Variants in DLC1 observed in about 807,000 individuals in gnomAD.
DLC1 encodes rho GTPase-activating protein 7.
In DLC1, 54 loss-of-function variants were observed where a neutral mutation model predicts 140.3. The observed-to-expected ratio is 0.38, with a 90% CI of 0.31 to 0.48. The LOEUF is 0.48. Ranked by LOEUF, DLC1 falls within the 20% of genes least tolerant of loss-of-function variation. The pLI is 0.96. For synonymous variants in DLC1, 986 were observed against 728.1 expected, an observed-to-expected ratio of 1.35 and a Z score of -5.70; for missense variants, 2,536 against 1,907.0, an observed-to-expected ratio of 1.33 and a Z score of -6.14.
At chr8:13,333,330 A>G (rs1320728640) in intron 4 of DLC1, among the ~76,000 whole-genome samples, 2 of 152,180 alleles carry the variant, frequency 1.3e-5, no homozygotes, top group Non-Finnish European at 2.9e-5. Flanking sequence ...GGCTCAAGCC[A>G]TCCTCCCACC....
chr8:13,446,679 G>T (rs761195860), intron 2 of DLC1, among the ~76,000 whole-genome samples: 4 of 152,068 alleles, frequency 2.6e-5, no homozygotes, highest in Admixed American at 6.6e-5. Context: ...GGTGGTTCAC[G>T]CCTGTAATCT....
chr8:13,098,238 C>T (rs1224905892), intron 10 of DLC1, among the ~76,000 whole-genome samples, 161 bp downstream of exon 10: 1 of 151,896 alleles, frequency 6.6e-6, no homozygotes, highest in Non-Finnish European at 1.5e-5. Flanking sequence ...TCAAAACAAA[C>T]AAACAAACAA....
At chr8:13,578,543 T>C (rs1804927365) in intron 1 of DLC1, among the ~76,000 whole-genome samples, 1 of 152,114 alleles carries the variant, frequency 6.6e-6, no homozygotes, top group Non-Finnish European at 1.5e-5. Flanking sequence ...CAGATTCCTA[T>C]AGCAGGTAAT....
At chr8:13,154,790 T>C (rs943608278) in intron 5 of DLC1, among the ~76,000 whole-genome samples, 2 of 152,124 alleles carry the variant, frequency 1.3e-5, no homozygotes, top group African/African-American at 4.8e-5. Context: ...ATGTAAACAA[T>C]AGATTATATA....
At chr8:13,208,078 A>G (rs998932968) in intron 5 of DLC1, among the ~76,000 whole-genome samples, 5 of 152,162 alleles carry the variant, frequency 3.3e-5, no homozygotes, top group Non-Finnish European at 5.9e-5. Flanking sequence ...AGCTCTGTGA[A>G]TTTTAAACCA....
chr8:13,272,475 G>T (rs113206240), intron 5 of DLC1, among the ~76,000 whole-genome samples: 172 of 152,148 alleles, frequency 1.1e-3, no homozygotes, highest in African/African-American at 3.7e-3. Flanking sequence ...AAAAAGACTA[G>T]TATTTAATTT....
intron 4 of DLC1, among the ~76,000 whole-genome samples, chr8:13,312,309 C>T (rs1474858085): frequency 9.3e-6 from 1 of 107,684 alleles, no homozygotes; most frequent in African/African-American, 3.6e-5. Context: ...TGCAGTGAGC[C>T]GAGATCGCGC....
At chr8:13,088,258 T>C (rs1489223001) in intron 16 of DLC1, among the ~76,000 whole-genome samples, 1 of 152,146 alleles carries the variant, frequency 6.6e-6, no homozygotes, top group Non-Finnish European at 1.5e-5. Context: ...TTTTAAAATT[T>C]TTTTGTAGAG....
chr8:13,397,268 G>C (rs188596534), intron 3 of DLC1, among the ~76,000 whole-genome samples: 89 of 152,230 alleles, frequency 5.8e-4, no homozygotes, highest in Non-Finnish European at 1.1e-3. Flanking sequence ...TTCAAAGCCA[G>C]ATAAAGGGAG....
At chr8:13,578,825 A>T (rs1391278948) in intron 1 of DLC1, among the ~76,000 whole-genome samples, 1 of 151,858 alleles carries the variant, frequency 6.6e-6, no homozygotes, top group Non-Finnish European at 1.5e-5. Context: ...AGCCCTCCAA[A>T]CCCTGTCCTT....
intron 1 of DLC1, chr8:13,584,615 G>C (rs1805236546): frequency 6.6e-6 from 1 of 152,184 alleles, no homozygotes; most frequent in Non-Finnish European, 1.5e-5. Flanking sequence ...CTTCAAGCTG[G>C]TAGAAGTCAT....
chr8:13,364,458 C>T (rs1016377947), intron 4 of DLC1, among the ~76,000 whole-genome samples: 1 of 152,132 alleles, frequency 6.6e-6, no homozygotes, highest in African/African-American at 2.4e-5. Flanking sequence ...GCCACCACGC[C>T]AGGCTAATTT....
chr8:13,100,904 G>GT lies in DLC1; in HGVS notation c.1567-135dup, dbSNP rs371679768. The GT allele has an allele frequency of 0.22, 123,929 of 573,504 alleles. 7,027 individuals are homozygous for GT. Among genetic ancestry groups the GT allele is most frequent in the East Asian group, 0.36 (8,873 of 24,798 alleles). 35.5% of individuals were successfully genotyped at this position (573,504 alleles called of 1,614,324 possible). ...TGTACTTCATGATTTTAATTTTAAA[G>GT]TTTTTTTTTTTTTTTTTTTAAAAAT... On this transcript the variant is annotated intron_variant, in intron 8 of 17. Coordinates refer to ENST00000276297, the MANE Select transcript of DLC1 (RefSeq NM_182643.3).
intron 5 of DLC1, among the ~76,000 whole-genome samples, chr8:13,203,178 C>T (rs1215247103): frequency 6.6e-6 from 1 of 152,180 alleles, no homozygotes. Flanking sequence ...GTTGTGTTCA[C>T]TTACGTGCTG....
chr8:13,572,297 G>T (rs1045177222), intron 1 of DLC1, among the ~76,000 whole-genome samples: 3 of 151,976 alleles, frequency 2.0e-5, no homozygotes, highest in African/African-American at 7.2e-5. Flanking sequence ...CACCGTGTTA[G>T]CCAGGATGGT....
chr8:13,262,405 G>A (rs569162888), intron 5 of DLC1, among the ~76,000 whole-genome samples: 18 of 149,818 alleles, frequency 1.2e-4, no homozygotes, highest in Non-Finnish European at 1.9e-4. Flanking sequence ...TTTTTTTTAC[G>A]AAGTTTGACT....
intron 2 of DLC1, among the ~76,000 whole-genome samples, chr8:13,417,865 AG>A (rs1443881254): frequency 2.6e-5 from 4 of 152,118 alleles, no homozygotes; most frequent in African/African-American, 9.7e-5. Flanking sequence ...CATCCTCTCC[AG>A]CACCTGTTGT....
At chr8:13,483,393 GAATA>G (rs1308770983) in intron 2 of DLC1, among the ~76,000 whole-genome samples, 9 of 152,176 alleles carry the variant, frequency 5.9e-5, no homozygotes, top group Admixed American at 3.3e-4. Context: ...ATGGATAAGT[GAATA>G]GATGGTTCCA....
intron 2 of DLC1, among the ~76,000 whole-genome samples, chr8:13,437,492 A>G (rs1016655497): frequency 2.0e-5 from 3 of 152,308 alleles, no homozygotes; most frequent in East Asian, 3.9e-4. Context: ...TCATGTTCAC[A>G]TTAAGTAATA....
Sources: allele counts gnomAD v4.1 joint callset (sites outside exome capture counted in the v4.1 genomes callset), GRCh38; gene constraint gnomAD v4.1.1; transcripts MANE v1.5; gene names NCBI Gene and HGNC (gene_info 2026-07-23, HGNC 2026-07-21).